The following KCNN2 variants were observed in gnomAD, a reference collection of about 807,000 sequenced individuals.
The protein encoded by KCNN2 is small conductance calcium-activated potassium channel protein 2.
Under a neutral mutation model 55.5 loss-of-function variants are expected in KCNN2, and 24 were observed. The ratio of observed to expected loss-of-function variants is 0.43; its 90% confidence interval spans 0.31 to 0.61. KCNN2 has a LOEUF of 0.61. KCNN2 is among the 20% of genes least tolerant of loss of function. KCNN2 has a pLI of 0.08. For synonymous variants in KCNN2, 431 were observed against 336.1 expected (o/e 1.28, Z -3.09); for missense variants, 754 against 853.6 (o/e 0.88, Z 1.45).
At position 114,420,568 on chromosome 5, in the gene KCNN2, C is replaced by A. The variant is rs550278872; in HGVS notation, c.1637+15712C>A. Reference sequence around the variant, plus strand: ...CTACTAAGACCTCTTATGAAGTTTGCCTGCTATCTCTCTTAAGCAATACTA... The same window carrying A: ...CTACTAAGACCTCTTATGAAGTTTGACTGCTATCTCTCTTAAGCAATACTA... On this transcript the variant is annotated intron_variant, in intron 3 of 7. Transcript: ENST00000673685. 5.4e-4 allele frequency among the ~76,000 whole-genome samples: 82 copies of A among 152,290 alleles called. 1 individual carries two copies. Among genetic ancestry groups the A allele is most frequent in the Non-Finnish European group, 1.0e-3 (71 of 68,016 alleles).
chr5:114,275,484 G>A (rs1343312852), intron 2 of KCNN2, among the ~76,000 whole-genome samples: 1 of 151,956 alleles, frequency 6.6e-6, no homozygotes, highest in East Asian at 1.9e-4. Context: ...TTGGTTGGTA[G>A]GCTATTAATT....
At chr5:114,111,511 C>A (rs934821643) in intron 1 of KCNN2, among the ~76,000 whole-genome samples, 1 of 152,144 alleles carries the variant, frequency 6.6e-6, no homozygotes, top group Admixed American at 6.5e-5. Flanking sequence ...AGCTTCTGCA[C>A]AGCAAAATAA....
intron 3 of KCNN2, among the ~76,000 whole-genome samples, chr5:114,423,026 C>T (rs760214172): frequency 6.6e-5 from 10 of 152,208 alleles, no homozygotes; most frequent in Non-Finnish European, 1.5e-4. Flanking sequence ...TAAGCTGGCA[C>T]AAAGCTGGTG....
intron 2 of KCNN2, among the ~76,000 whole-genome samples, chr5:114,233,847 T>C (rs1274434785): frequency 6.6e-6 from 1 of 152,204 alleles, no homozygotes; most frequent in African/African-American, 2.4e-5. Context: ...ATTTTTCTTC[T>C]CTGTTCCCTA....
chr5:114,144,440 G>A (rs923526879), intron 1 of KCNN2, among the ~76,000 whole-genome samples: 3 of 152,060 alleles, frequency 2.0e-5, no homozygotes, highest in Non-Finnish European at 4.4e-5. Context: ...AGTCACCGTA[G>A]CAGCAATCAA....
At chr5:114,374,305 G>T (rs2150052715) in intron 2 of KCNN2, among the ~76,000 whole-genome samples, 1 of 152,246 alleles carries the variant, frequency 6.6e-6, no homozygotes, top group South Asian at 2.1e-4. Context: ...GAAAATTCTG[G>T]TATTAAACTC....
At chr5:114,272,325 T>C (rs1437313517) in intron 2 of KCNN2, among the ~76,000 whole-genome samples, 1 of 146,920 alleles carries the variant, frequency 6.8e-6, no homozygotes, top group Admixed American at 6.8e-5. Flanking sequence ...CATATATGTA[T>C]GTACATATAC....
chr5:114,147,095 G>A (rs1228179477), intron 1 of KCNN2, among the ~76,000 whole-genome samples: 6 of 152,176 alleles, frequency 3.9e-5, no homozygotes, highest in African/African-American at 7.2e-5. Context: ...GAGCAGAAGT[G>A]TATGGAGTAG....
intron 3 of KCNN2, among the ~76,000 whole-genome samples, chr5:114,405,886 A>G (rs1254840424): frequency 6.6e-6 from 1 of 151,334 alleles, no homozygotes; most frequent in Non-Finnish European, 1.5e-5. Context: ...AATTTTTTGT[A>G]TTTTTAGTAG....
intron 3 of KCNN2, among the ~76,000 whole-genome samples, chr5:114,456,267 G>T (rs1760922842): frequency 6.6e-6 from 1 of 152,132 alleles, no homozygotes; most frequent in Admixed American, 6.6e-5. Context: ...GGGCCGTTAA[G>T]AATTATACTA....
chr5:114,449,300 G>C lies in KCNN2; in HGVS notation c.1638-13749G>C, dbSNP rs1037003497. ...TGCTCATTGGCAGTGGCAGCAAAAC[G>C]TAGTGTAGGGTAGAAGGGAGCAAAA... On this transcript the variant is annotated intron_variant, in intron 3 of 7. Transcript: ENST00000673685. 5.9e-5 allele frequency among the ~76,000 whole-genome samples: 9 copies of C among 152,256 alleles called. No homozygotes were observed. The South Asian group carries it at 8.3e-4, about 14-fold the overall frequency.
At chr5:114,140,198 T>C (rs1752248167) in intron 1 of KCNN2, among the ~76,000 whole-genome samples, 1 of 152,234 alleles carries the variant, frequency 6.6e-6, no homozygotes, top group Non-Finnish European at 1.5e-5. Flanking sequence ...TTTCTTGGAA[T>C]TGTCAATAAT....
intron 1 of KCNN2, among the ~76,000 whole-genome samples, chr5:114,105,258 C>A (rs1418139734): frequency 6.6e-6 from 1 of 151,926 alleles, no homozygotes; most frequent in Non-Finnish European, 1.5e-5. Context: ...GTTGAGATCC[C>A]CATCAATATA....
At chr5:114,483,849 T>A (rs1186751671) in intron 5 of KCNN2, among the ~76,000 whole-genome samples, 1 of 152,096 alleles carries the variant, frequency 6.6e-6, no homozygotes, top group African/African-American at 2.4e-5. Flanking sequence ...TTATTGGCCA[T>A]AGAATTATTA....
At position 114,134,270 on chromosome 5, in the gene KCNN2, A is replaced by T. The variant is rs146467887; in HGVS notation, c.-271+77770A>T. 1.6e-3 allele frequency among the ~76,000 whole-genome samples: 248 copies of T among 151,024 alleles called. 1 individual carries two copies. The highest frequency in any genetic ancestry group is 3.4e-3 in the Middle Eastern group (1 of 294). On this transcript the variant is annotated intron_variant, in intron 1 of 10. Coordinates refer to the KCNN2 transcript ENST00000512097. ...AATTTCACAGCTTATGGGAAAAGCC[A>T]TACGCTTGGCCCTCTTAGCTTGGGT... is the stretch of plus-strand genomic sequence containing the variant.
Position 114,312,861 on chromosome 5 carries a change from A to G in KCNN2, c.-184-48084A>G, listed in dbSNP as rs1756432937. On this transcript the variant is annotated intron_variant, in intron 2 of 10. Coordinates refer to the KCNN2 transcript ENST00000512097. Reference sequence around the variant, plus strand: ...ACATGGCTAATTTTCTCAGTAACATATGTAGCCCAAGGAAGATCTGTGATA... The same window carrying G: ...ACATGGCTAATTTTCTCAGTAACATGTGTAGCCCAAGGAAGATCTGTGATA... 1.3e-5 allele frequency among the ~76,000 whole-genome samples: 2 copies of G among 152,100 alleles called. 1 individual carries two copies. Among genetic ancestry groups the G allele is most frequent in the South Asian group, 4.1e-4 (2 of 4,836 alleles).
chr5:114,234,383 C>T (rs952608121), intron 2 of KCNN2, among the ~76,000 whole-genome samples: 1 of 152,188 alleles, frequency 6.6e-6, no homozygotes, highest in Non-Finnish European at 1.5e-5. Context: ...TGGACTGAGA[C>T]AGACATGCAC....
In KCNN2 at chr5:114,362,567, ACGCGCAGCAGTC is replaced by A. The variant is rs1304501821; in HGVS notation, c.441_452del (p.Gln149_Ala152del). Reference sequence around the variant, plus strand: ...CATGCCAGTGCGCTCCGGCAGCAGTACGCGCAGCAGTCCGCGCAGCAGTCGGCGTCCGCCTCC... The same window carrying A: ...CATGCCAGTGCGCTCCGGCAGCAGTACGCGCAGCAGTCGGCGTCCGCCTCC... On this transcript the variant is annotated inframe_deletion, in exon 1 of 8. Transcript: ENST00000673685. 2.9e-4 allele frequency: 189 copies of A among 643,620 alleles called. 1 individual carries two copies. The highest frequency in any genetic ancestry group is 4.3e-4 in the Middle Eastern group (1 of 2,328). The allele number at this position is 643,620 out of a possible 1,614,324, so 39.9% of individuals were successfully genotyped here.
chr5:114,418,972 T>A (rs1759389237), intron 3 of KCNN2, among the ~76,000 whole-genome samples: 1 of 152,238 alleles, frequency 6.6e-6, no homozygotes, highest in South Asian at 2.1e-4. Context: ...ATCACATAAC[T>A]GAATGTGCCT....
Sources: allele counts gnomAD v4.1 joint callset (sites outside exome capture counted in the v4.1 genomes callset), GRCh38; gene constraint gnomAD v4.1.1; transcripts MANE v1.5; gene names NCBI Gene and HGNC (gene_info 2026-07-23, HGNC 2026-07-21).